The following LIMD1 variants were observed in gnomAD, a reference collection of about 807,000 sequenced individuals.
The protein encoded by LIMD1 is LIM domain containing 1, also known as LIM domain-containing protein 1.
LIMD1 carries 23 observed loss-of-function variants against 58.4 expected under a neutral mutation model. The ratio of observed to expected loss-of-function variants is 0.39; its 90% CI spans 0.28 to 0.56. The LOEUF (loss-of-function observed/expected upper bound fraction) is 0.56, where lower values mean the gene tolerates loss of function less well. LIMD1 is among the 20% of genes least tolerant of loss of function. The pLI is 0.57. For synonymous variants in LIMD1, 334 were observed against 345.5 expected (o/e 0.97, Z 0.37); for missense variants, 838 against 855.5 (o/e 0.98, Z 0.25).
intron 2 of LIMD1, among the ~76,000 whole-genome samples, chr3:45,652,870 T>C (rs909997786): frequency 6.6e-6 from 1 of 152,192 alleles, no homozygotes; most frequent in Admixed American, 6.5e-5. Flanking sequence ...ATCCAGACGA[T>C]AATAGCCTGG....
At chr3:45,603,789 A>G (rs1701441518) in intron 1 of LIMD1, among the ~76,000 whole-genome samples, 3 of 152,182 alleles carry the variant, frequency 2.0e-5, no homozygotes, top group Admixed American at 6.5e-5. Flanking sequence ...GTCGTGAGCC[A>G]CTGTGCCCAG....
At chr3:45,655,331 G>T (rs188715937) in intron 2 of LIMD1, among the ~76,000 whole-genome samples, 13 of 152,278 alleles carry the variant, frequency 8.5e-5, no homozygotes, top group African/African-American at 2.9e-4. Flanking sequence ...TTAGTGTGAC[G>T]ATCATCAGCT....
rs1465048442 is a variant in LIMD1, at chr3:45,677,210, A to C, written c.*151A>C. ...GCATGTGGGGGGTGCCTTTCCTTTAACCAGGGAGGTGAACACTACCTGCCT... is the reference window on the plus strand; with the variant it reads ...GCATGTGGGGGGTGCCTTTCCTTTACCCAGGGAGGTGAACACTACCTGCCT... On this transcript the variant is annotated 3_prime_UTR_variant, in exon 8 of 8. Transcript: ENST00000273317. 6 of 786,986 alleles carry C rather than the reference A, an allele frequency of 7.6e-6. No individual in the cohort carries two copies. The highest frequency in any genetic ancestry group is 1.0e-5 in the Non-Finnish European group (5 of 500,262). The allele number at this position is 786,986 out of a possible 1,614,324, so 48.8% of individuals were successfully genotyped here. A position where few individuals can be genotyped will look rare whatever the true frequency, so the allele number is the denominator to read the frequency against.
At chr3:45,601,902 G>T (rs1352201584) in intron 1 of LIMD1, among the ~76,000 whole-genome samples, 1 of 151,332 alleles carries the variant, frequency 6.6e-6, no homozygotes, top group African/African-American at 2.4e-5. Context: ...TGGGCTCCTT[G>T]CGTTTTCCAT....
At chr3:45,645,979 G>A (rs1054626344) in intron 2 of LIMD1, among the ~76,000 whole-genome samples, 2 of 150,718 alleles carry the variant, frequency 1.3e-5, no homozygotes, top group South Asian at 2.1e-4. Context: ...GCAGTGAGCC[G>A]TGATCGTGCC....
At position 45,645,591 on chromosome 3, in the gene LIMD1, C is replaced by T. The variant is rs114464504; in HGVS notation, c.1510+9340C>T. Among the ~76,000 whole-genome samples the T allele has an allele frequency of 1.4e-3, 210 of 152,276 alleles. 2 individuals are homozygous for T. The highest frequency in any genetic ancestry group is 4.6e-3 in the African/African-American group (190 of 41,550). On this transcript the variant is annotated intron_variant, in intron 2 of 7. Transcript: ENST00000273317. ...GAGGAGAATGAAGAGCACTCCAGTACGCCAGGAGCATCACACCGTAATTAG... is the reference window on the plus strand; with the variant it reads ...GAGGAGAATGAAGAGCACTCCAGTATGCCAGGAGCATCACACCGTAATTAG...
chr3:45,633,786 C>A (rs1455189010), intron 1 of LIMD1, among the ~76,000 whole-genome samples: 3 of 152,182 alleles, frequency 2.0e-5, no homozygotes, highest in Non-Finnish European at 4.4e-5. Flanking sequence ...TCTCCTTAAA[C>A]CTGTTGGTGT....
chr3:45,644,744 C>T (rs1414530595), intron 2 of LIMD1, among the ~76,000 whole-genome samples: 1 of 152,140 alleles, frequency 6.6e-6, no homozygotes, highest in African/African-American at 2.4e-5. Context: ...AGAGTATTTG[C>T]CAAAGACAGG....
chr3:45,644,425 C>T (rs1333493142), intron 2 of LIMD1, among the ~76,000 whole-genome samples: 2 of 152,160 alleles, frequency 1.3e-5, no homozygotes, highest in Non-Finnish European at 2.9e-5. Context: ...TCATGCAGGT[C>T]TGCTTCTGTA....
intron 1 of LIMD1, among the ~76,000 whole-genome samples, chr3:45,614,061 A>T (rs1701553911): frequency 6.6e-6 from 1 of 152,044 alleles, no homozygotes; most frequent in Non-Finnish European, 1.5e-5. Flanking sequence ...CGCTTGGCTG[A>T]TACCCTCCCA....
chr3:45,671,105 A>C (rs1368750143), intron 4 of LIMD1, among the ~76,000 whole-genome samples: 1 of 152,242 alleles, frequency 6.6e-6, no homozygotes, highest in African/African-American at 2.4e-5. Flanking sequence ...CCAAATTGCC[A>C]AATGGGTTTT....
chr3:45,656,321 CAAGA>C (rs1336423204), intron 2 of LIMD1, among the ~76,000 whole-genome samples: 1 of 152,100 alleles, frequency 6.6e-6, no homozygotes, highest in African/African-American at 2.4e-5. Context: ...GAACAGAAAA[CAAGA>C]GAGACAGTAT....
chr3:45,674,421 T>G lies in LIMD1; in HGVS notation c.1893+10T>G. 2 of 1,127,828 alleles carry G rather than the reference T, an allele frequency of 1.8e-6. No individual in the cohort carries two copies. The highest frequency in any genetic ancestry group is 2.5e-6 in the Non-Finnish European group (2 of 795,144). 69.9% of individuals were successfully genotyped at this position (1,127,828 alleles called of 1,614,324 possible). A position where few individuals can be genotyped will look rare whatever the true frequency, so the allele number is the denominator to read the frequency against. ...GTGTTACCACTGCGAGGTAGACCCC[T>G]CCCCACCCAGCCCCCAAAGCCCATT... On this transcript the variant is annotated intron_variant, in intron 7 of 7. Coordinates refer to ENST00000273317, the MANE Select transcript of LIMD1 (RefSeq NM_014240.3).
intron 4 of LIMD1, among the ~76,000 whole-genome samples, chr3:45,668,999 C>G (rs1697557782): frequency 6.6e-6 from 1 of 152,184 alleles, no homozygotes; most frequent in East Asian, 1.9e-4. Flanking sequence ...TCTCAGCTAC[C>G]TTGGAGTCAA....
rs1408488857 is a variant in LIMD1, at chr3:45,681,525, T to A, written c.*4466T>A. On this transcript the variant is annotated 3_prime_UTR_variant, in exon 8 of 8. Transcript: ENST00000273317. ...ATAGCAGTGGCCAGATTATCAGCAT[T>A]TACACTGGTTCCCTGAGCCCCAGGC... is the stretch of plus-strand genomic sequence containing the variant. 6.6e-6 allele frequency: 1 copy of A among 152,236 alleles called. No homozygotes were observed. Among genetic ancestry groups the A allele is most frequent in the African/African-American group, 2.4e-5 (1 of 41,464 alleles). 9.4% of individuals were successfully genotyped at this position (152,236 alleles called of 1,614,324 possible). A position where few individuals can be genotyped will look rare whatever the true frequency, so the allele number is the denominator to read the frequency against.
intron 2 of LIMD1, among the ~76,000 whole-genome samples, chr3:45,664,284 A>G (rs1362993223): frequency 6.6e-6 from 1 of 152,068 alleles, no homozygotes; most frequent in Admixed American, 6.5e-5. Flanking sequence ...GGGACTACAG[A>G]CGTGAACAAC....
intron 1 of LIMD1, among the ~76,000 whole-genome samples, chr3:45,611,180 T>C (rs1701519243): frequency 6.6e-6 from 1 of 152,226 alleles, no homozygotes; most frequent in African/African-American, 2.4e-5. Flanking sequence ...CCCAATCGAT[T>C]TGTTCAGAAC....
rs1377472664 is a variant in LIMD1, at chr3:45,682,811, GAAGCTC to G, written c.*5754_*5759del. On this transcript the variant is annotated 3_prime_UTR_variant, in exon 8 of 8. Coordinates refer to ENST00000273317, the MANE Select transcript of LIMD1 (RefSeq NM_014240.3). The stretch of plus-strand genomic sequence containing the variant: ...AAAAAGCCACAGGAGGCTGTGAGGA[GAAGCTC>G]ACTGCTGCTCTGTTGAAGTCTGTAT... 1.3e-5 allele frequency: 2 copies of G among 152,272 alleles called. No individual in the cohort carries two copies. The allele number at this position is 152,272 out of a possible 1,614,324, so 9.4% of individuals were successfully genotyped here.
At chr3:45,639,008 C>T (rs1235408853) in intron 2 of LIMD1, among the ~76,000 whole-genome samples, 2 of 152,124 alleles carry the variant, frequency 1.3e-5, no homozygotes, top group African/African-American at 2.4e-5. Context: ...GCTGGGACTG[C>T]GGGCATGTGC....
Sources: gnomAD v4.1 joint callset for allele counts (sites outside exome capture counted in the v4.1 genomes callset) on GRCh38, gnomAD v4.1.1 for gene constraint, MANE v1.5 for transcripts, NCBI Gene and HGNC (gene_info 2026-07-23, HGNC 2026-07-21) for gene names.